Variants in TMEM178B observed in about 807,000 individuals in gnomAD.
TMEM178B encodes the protein transmembrane protein 178B.
Under a neutral mutation model 31.0 loss-of-function variants are expected in TMEM178B, and 5 were observed. The ratio of observed to expected loss-of-function variants is 0.16; its 90% CI spans 0.08 to 0.34. TMEM178B has a LOEUF of 0.34. TMEM178B is among the 10% of genes least tolerant of loss of function. The pLI, the probability that TMEM178B is intolerant of heterozygous loss-of-function variation, is 1.00. For missense variants in TMEM178B, 275 were observed against 400.3 expected (o/e 0.69, Z 2.67); for synonymous variants, 164 against 164.0 (o/e 1.00, Z 0.00).
rs150626247 is a variant in TMEM178B, at chr7:141,370,266, G to A, written c.497-67342G>A. Reference sequence around the variant, plus strand: ...TGGTGAAGAGACCCAGGAGAAGGCAGTGAGGATCTGCGGTTTTAACTGACC... The same window carrying A: ...TGGTGAAGAGACCCAGGAGAAGGCAATGAGGATCTGCGGTTTTAACTGACC... On this transcript the variant is annotated intron_variant, in intron 2 of 3. Transcript: ENST00000565468. Among the ~76,000 whole-genome samples, 243 of 152,320 alleles carry A rather than the reference G, an allele frequency of 1.6e-3. 2 individuals are homozygous for A. The highest frequency in any genetic ancestry group is 9.5e-3 in the East Asian group (49 of 5,184).
intron 1 of TMEM178B, among the ~76,000 whole-genome samples, chr7:141,125,754 G>A (rs1382307739): frequency 2.6e-5 from 4 of 151,976 alleles, no homozygotes; most frequent in Admixed American, 6.5e-5. Flanking sequence ...GAAACCTACC[G>A]GAAAATGAAG....
chr7:141,468,373 T>C (rs1802182019), intron 3 of TMEM178B, among the ~76,000 whole-genome samples: 1 of 152,136 alleles, frequency 6.6e-6, no homozygotes, highest in African/African-American at 2.4e-5. Flanking sequence ...AGAGAAGGCA[T>C]CTGGAACCTA....
chr7:141,226,725 G>T (rs1797347620), intron 2 of TMEM178B, among the ~76,000 whole-genome samples: 1 of 151,946 alleles, frequency 6.6e-6, no homozygotes, highest in African/African-American at 2.4e-5. Flanking sequence ...CGGGCATGGT[G>T]GTGCATGCCT....
chr7:141,385,101 T>G (rs2116594370), intron 2 of TMEM178B, among the ~76,000 whole-genome samples: 1 of 152,326 alleles, frequency 6.6e-6, no homozygotes, highest in African/African-American at 2.4e-5. Context: ...CCATCAAAAC[T>G]TAAATGTATG....
At chr7:141,211,271 T>A (rs1369630661) in intron 1 of TMEM178B, among the ~76,000 whole-genome samples, 5 of 152,226 alleles carry the variant, frequency 3.3e-5, no homozygotes, top group African/African-American at 1.2e-4. Context: ...TACTACTCTC[T>A]AGAACGTGCC....
intron 1 of TMEM178B, among the ~76,000 whole-genome samples, chr7:141,162,067 A>G (rs1476788809): frequency 1.3e-5 from 2 of 152,192 alleles, no homozygotes; most frequent in African/African-American, 4.8e-5. Flanking sequence ...GATGCCCCAC[A>G]GTCAGGTGCC....
intron 2 of TMEM178B, among the ~76,000 whole-genome samples, chr7:141,308,722 G>A (rs765315496): frequency 2.6e-5 from 4 of 152,116 alleles, no homozygotes; most frequent in Non-Finnish European, 4.4e-5. Context: ...CATGCATCCG[G>A]CCCAACCTTC....
At chr7:141,511,077 G>GT in the TMEM178B span, among the ~76,000 whole-genome samples, 2 of 151,944 alleles carry the variant, frequency 1.3e-5, no homozygotes, top group Non-Finnish European at 2.9e-5. Context: ...CAACGGAGAA[G>GT]TTGCTTTAAA....
At chr7:141,195,499 T>G (rs1012940060) in intron 1 of TMEM178B, among the ~76,000 whole-genome samples, 1 of 152,206 alleles carries the variant, frequency 6.6e-6, no homozygotes, top group Non-Finnish European at 1.5e-5. Flanking sequence ...TGAGACCACC[T>G]CAGCGTGGAC....
intron 1 of TMEM178B, among the ~76,000 whole-genome samples, chr7:141,149,973 C>T (rs920367120): frequency 1.1e-4 from 16 of 152,080 alleles, no homozygotes; most frequent in African/African-American, 3.9e-4. Context: ...GTAGAGCTGA[C>T]AGGATTTGTT....
intron 2 of TMEM178B, among the ~76,000 whole-genome samples, chr7:141,425,382 A>C (rs1403947873): frequency 6.6e-6 from 1 of 152,160 alleles, no homozygotes. Flanking sequence ...GCTCTCAGTG[A>C]TGTGTGATAT....
chr7:141,397,193 T>A (rs1800673070), intron 2 of TMEM178B, among the ~76,000 whole-genome samples: 1 of 152,222 alleles, frequency 6.6e-6, no homozygotes, highest in Non-Finnish European at 1.5e-5. Flanking sequence ...AGTGATTAAC[T>A]GTTTCATCCA....
chr7:141,386,619 A>G (rs1337945895), intron 2 of TMEM178B, among the ~76,000 whole-genome samples: 4 of 152,218 alleles, frequency 2.6e-5, no homozygotes, highest in African/African-American at 9.6e-5. Flanking sequence ...TGGTGAGAAC[A>G]TTCTCGGGTT....
At chr7:141,335,057 A>C (rs148076125) in intron 2 of TMEM178B, among the ~76,000 whole-genome samples, 2 of 152,346 alleles carry the variant, frequency 1.3e-5, no homozygotes, top group Non-Finnish European at 2.9e-5. Flanking sequence ...AATAGCAGAC[A>C]ATGATATAAA....
chr7:141,419,403 C>A (rs1156675434), intron 2 of TMEM178B, among the ~76,000 whole-genome samples: 1 of 152,148 alleles, frequency 6.6e-6, no homozygotes, highest in African/African-American at 2.4e-5. Flanking sequence ...CTCTCATATT[C>A]AATTGATCAC....
At chr7:141,235,630 A>G (rs1211529690) in intron 2 of TMEM178B, among the ~76,000 whole-genome samples, 4 of 152,180 alleles carry the variant, frequency 2.6e-5, no homozygotes, top group African/African-American at 9.7e-5. Context: ...TGGGCTAGTC[A>G]AGGATAAAAA....
At chr7:141,146,564 G>A (rs1795855717) in intron 1 of TMEM178B, among the ~76,000 whole-genome samples, 1 of 152,088 alleles carries the variant, frequency 6.6e-6, no homozygotes, top group Admixed American at 6.6e-5. Flanking sequence ...ATTACTATGA[G>A]GATTAAAAGA....
chr7:141,386,801 G>A (rs1362382419), intron 2 of TMEM178B, among the ~76,000 whole-genome samples: 3 of 152,148 alleles, frequency 2.0e-5, no homozygotes, highest in African/African-American at 7.2e-5. Context: ...ATCCTGGGGT[G>A]GCTCATGAAA....
chr7:141,404,828 G>T (rs1415789250), intron 2 of TMEM178B, among the ~76,000 whole-genome samples: 2 of 152,168 alleles, frequency 1.3e-5, no homozygotes, highest in African/African-American at 4.8e-5. Flanking sequence ...AGACTGTCTG[G>T]CTGCTTAGTG....
Sources: allele counts gnomAD v4.1 joint callset (sites outside exome capture counted in the v4.1 genomes callset), GRCh38; gene constraint gnomAD v4.1.1; transcripts MANE v1.5; gene names NCBI Gene and HGNC (gene_info 2026-07-23, HGNC 2026-07-21).